The following RBPJ variants were observed in gnomAD, a reference collection of about 807,000 sequenced individuals.
RBPJ encodes recombination signal binding protein for immunoglobulin kappa J region.
RBPJ carries 9 observed loss-of-function variants against 67.8 expected under a neutral mutation model. The observed-to-expected ratio is 0.13, with a 90% CI of 0.08 to 0.23. The LOEUF (loss-of-function observed/expected upper bound fraction) is 0.23. RBPJ is among the 10% of genes least tolerant of loss of function. RBPJ has a pLI of 1.00. For missense variants in RBPJ, 305 were observed against 595.6 expected, an observed-to-expected ratio of 0.51 and a Z score of 5.08; for synonymous variants, 198 against 203.3, an observed-to-expected ratio of 0.97 and a Z score of 0.22.
rs1055043609 is a variant in RBPJ at position 26,360,928 on chromosome 4, A to G, written c.21-25425A>G. Reference sequence around the variant, plus strand: ...CCCGGCCTCATAGGGTTTTTAATACACATTACTGAAGATAAAAATAGAGTG... The same window carrying G: ...CCCGGCCTCATAGGGTTTTTAATACGCATTACTGAAGATAAAAATAGAGTG... On this transcript the variant is annotated intron_variant, in intron 1 of 10. Coordinates refer to ENST00000355476, the MANE Select transcript of RBPJ (RefSeq NM_015874.6). 1.1e-4 allele frequency among the ~76,000 whole-genome samples: 16 copies of G among 150,862 alleles called. 1 individual carries two copies. The highest frequency in any genetic ancestry group is 3.9e-4 in the African/African-American group (16 of 40,912).
At chr4:26,301,267 A>T (rs937172228) in intron 1 of RBPJ, among the ~76,000 whole-genome samples, 2 of 152,128 alleles carry the variant, frequency 1.3e-5, no homozygotes, top group Non-Finnish European at 2.9e-5. Flanking sequence ...CTCTGTTTAA[A>T]TTCCTTTAAT....
chr4:26,389,654 A>G (rs1731298922), intron 2 of RBPJ, among the ~76,000 whole-genome samples: 1 of 151,464 alleles, frequency 6.6e-6, no homozygotes, highest in African/African-American at 2.4e-5. Flanking sequence ...TGTTTGAAGG[A>G]TAATAAGTGA....
chr4:26,353,909 G>T (rs192467898), intron 1 of RBPJ, among the ~76,000 whole-genome samples: 6 of 151,612 alleles, frequency 4.0e-5, no homozygotes, highest in African/African-American at 1.5e-4. Context: ...ACTGTGCCCT[G>T]CCACAGTATT....
chr4:26,130,529 C>T, the RBPJ span, among the ~76,000 whole-genome samples: 10 of 152,092 alleles, frequency 6.6e-5, no homozygotes, highest in African/African-American at 2.2e-4. Context: ...TCAAGCTTCA[C>T]GTCCTCTACT....
chr4:26,149,293 C>T, the RBPJ span, among the ~76,000 whole-genome samples: 1 of 152,222 alleles, frequency 6.6e-6, no homozygotes, highest in Non-Finnish European at 1.5e-5. Flanking sequence ...CTCTCTGAGC[C>T]TCTCTTCAGT....
Position 26,433,913 on chromosome 4 carries a change from A to G in RBPJ, c.*2906A>G, listed in dbSNP as rs886750710. 10 of 152,232 alleles carry G rather than the reference A, an allele frequency of 6.6e-5. No homozygotes were observed. Among genetic ancestry groups the G allele is most frequent in the African/African-American group, 2.4e-4 (10 of 41,472 alleles). The allele number at this position is 152,232 out of a possible 1,614,324, so 9.4% of individuals were successfully genotyped here. A position where few individuals can be genotyped will look rare whatever the true frequency, so the allele number is the denominator to read the frequency against. On this transcript the variant is annotated 3_prime_UTR_variant, in exon 11 of 11. Transcript: ENST00000355476. Reference sequence around the variant, plus strand: ...CTCTTATTAGAATGGTGAGTGCTTCAGTTATAGTATGTTTGAATTTTTAAA... The same window carrying G: ...CTCTTATTAGAATGGTGAGTGCTTCGGTTATAGTATGTTTGAATTTTTAAA...
chr4:26,141,354 T>C, the RBPJ span, among the ~76,000 whole-genome samples: 159 of 152,298 alleles, frequency 1.0e-3, no homozygotes, highest in Middle Eastern at 6.8e-3. Flanking sequence ...AGCACTCAGA[T>C]ACTTCCTACC....
chr4:26,164,100 T>A (rs778142516), intron 1 of RBPJ, among the ~76,000 whole-genome samples: 1 of 148,374 alleles, frequency 6.7e-6, no homozygotes, highest in African/African-American at 2.6e-5. Flanking sequence ...TGGTAGGTGA[T>A]ACTGATCACG....
chr4:26,180,744 TA>T (rs1020758520), intron 1 of RBPJ, among the ~76,000 whole-genome samples: 2 of 152,156 alleles, frequency 1.3e-5, no homozygotes, highest in Non-Finnish European at 2.9e-5. Context: ...TCCTAAGGGT[TA>T]AAAAATAAAA....
chr4:26,301,449 G>A (rs943922991), intron 1 of RBPJ, among the ~76,000 whole-genome samples: 5 of 151,780 alleles, frequency 3.3e-5, no homozygotes, highest in African/African-American at 4.8e-5. Flanking sequence ...AAAATTAGCC[G>A]GGCGTGGTGG....
At chr4:26,319,181 A>T (rs563498847), upstream of RBPJ, among the ~76,000 whole-genome samples, 1 of 152,128 alleles carries the variant, frequency 6.6e-6, no homozygotes, top group South Asian at 2.1e-4. Flanking sequence ...AACACGTTTT[A>T]GGAAAGTACC....
In RBPJ at chr4:26,172,026, A is replaced by C. The variant is rs114365214; in HGVS notation, c.-167+8412A>C. Among the ~76,000 whole-genome samples the C allele has an allele frequency of 4.9e-3, 752 of 152,364 alleles. 8 individuals are homozygous for C. The highest frequency in any genetic ancestry group is 0.017 in the African/African-American group (714 of 41,584). On this transcript the variant is annotated intron_variant, in intron 1 of 4. Transcript: ENST00000512351. ...CTAAGCTGGAGGTTAAAATCGCCCC[A>C]GACTGTTTCAGTGTAAGGCCGGAGG...
At chr4:26,249,068 G>A (rs1720014556) in intron 1 of RBPJ, among the ~76,000 whole-genome samples, 1 of 152,136 alleles carries the variant, frequency 6.6e-6, no homozygotes, top group Non-Finnish European at 1.5e-5. Context: ...GCCTAGCACA[G>A]TGCCTTGTAT....
At chr4:26,420,222 A>G (rs1261816462) in intron 4 of RBPJ, among the ~76,000 whole-genome samples, 1 of 152,058 alleles carries the variant, frequency 6.6e-6, no homozygotes, top group East Asian at 1.9e-4. Flanking sequence ...AATTTATTTT[A>G]AAAGTTACTG....
chr4:26,255,131 G>A (rs1484036954), intron 1 of RBPJ, among the ~76,000 whole-genome samples: 4 of 148,016 alleles, frequency 2.7e-5, no homozygotes, highest in Non-Finnish European at 5.9e-5. Flanking sequence ...TAGGCCGGGC[G>A]TGGTGGCTCA....
chr4:26,164,185 C>T (rs544438630), intron 1 of RBPJ, among the ~76,000 whole-genome samples: 1 of 152,276 alleles, frequency 6.6e-6, no homozygotes, highest in South Asian at 2.1e-4. Flanking sequence ...GAGAAAGGCC[C>T]ACAGCATACC....
intron 1 of RBPJ, among the ~76,000 whole-genome samples, chr4:26,181,049 C>T (rs1716967346): frequency 6.6e-6 from 1 of 152,194 alleles, no homozygotes; most frequent in African/African-American, 2.4e-5. Flanking sequence ...TTTGCTCTTC[C>T]TTGGTCTTCT....
At chr4:26,247,288 C>T (rs1476860174) in intron 1 of RBPJ, among the ~76,000 whole-genome samples, 1 of 151,782 alleles carries the variant, frequency 6.6e-6, no homozygotes, top group Non-Finnish European at 1.5e-5. Flanking sequence ...GATAATTTTC[C>T]AATCTATGAT....
At chr4:26,120,791 G>A in the RBPJ span, among the ~76,000 whole-genome samples, 4 of 148,174 alleles carry the variant, frequency 2.7e-5, no homozygotes, top group Non-Finnish European at 5.9e-5. Context: ...CCATTGAGGC[G>A]TGGACAGAAT....
Sources: allele counts gnomAD v4.1 joint callset (sites outside exome capture counted in the v4.1 genomes callset), GRCh38; gene constraint gnomAD v4.1.1; transcripts MANE v1.5; gene names NCBI Gene and HGNC (gene_info 2026-07-23, HGNC 2026-07-21).